TCP11L2: variants seen among roughly 807,000 people sequenced by gnomAD.
TCP11L2 encodes t-complex 11 like 2.
A neutral mutation model predicts 50.7 loss-of-function variants in TCP11L2; 39 were observed. The ratio of observed to expected loss-of-function variants is 0.77; its 90% CI spans 0.60 to 1.01. The LOEUF is 1.01. TCP11L2 is among the 50% of genes least tolerant of loss of function. The pLI is 0.00. For missense variants in TCP11L2, 612 were observed against 614.7 expected, an observed-to-expected ratio of 1.00 and a Z score of 0.05; for synonymous variants, 192 against 219.3, an observed-to-expected ratio of 0.88 and a Z score of 1.10.
chr12:106,346,567 G>T lies in TCP11L2; in HGVS notation c.*37G>T, dbSNP rs2036240848. On this transcript the variant is annotated 3_prime_UTR_variant, in exon 10 of 10. Coordinates refer to ENST00000299045, the MANE Select transcript of TCP11L2 (RefSeq NM_152772.3). ...CATTGGACGAGAGATTGGAAATCCA[G>T]TACTTTGGTATCCAGTCCACTTCCA... is the stretch of plus-strand genomic sequence containing the variant. The T allele has an allele frequency of 6.3e-7, 1 of 1,586,336 alleles. No homozygotes were observed. Among genetic ancestry groups the T allele is most frequent in the Non-Finnish European group, 8.6e-7 (1 of 1,168,640 alleles).
intron 2 of TCP11L2, 36 bp from the exon 3 acceptor site, chr12:106,314,322 T>A: frequency 6.3e-7 from 1 of 1,589,080 alleles, no homozygotes; most frequent in Non-Finnish European, 8.6e-7. Flanking sequence ...ACAACTTTTC[T>A]TCTGCAACAT....
At chr12:106,320,012 C>T (rs1242818142) in intron 4 of TCP11L2, among the ~76,000 whole-genome samples, 1 of 152,128 alleles carries the variant, frequency 6.6e-6, no homozygotes, top group Non-Finnish European at 1.5e-5. Flanking sequence ...TTCTTTCTTC[C>T]CTGAACTTTT....
rs756290954 is a variant in TCP11L2, at chr12:106,336,216, A to G, written c.1142+3A>G. The stretch of plus-strand genomic sequence containing the variant: ...CTACTTGAAGGCATGAACAAAGAGT[A>G]AGTTCCAAATTTTTGCATCTGCTCC... On this transcript the variant is annotated splice_donor_region_variant and intron_variant, in intron 8 of 9. Transcript: ENST00000299045. 1.2e-6 allele frequency: 2 copies of G among 1,601,632 alleles called. No homozygotes were observed. The highest frequency in any genetic ancestry group is 1.1e-5 in the South Asian group (1 of 88,782).
rs565254610 is a variant in TCP11L2 at position 106,312,018 on chromosome 12, A to G, written c.157+786A>G. On this transcript the variant is annotated intron_variant, in intron 2 of 9. Transcript: ENST00000299045. ...GAAGATACATAAGAATAGAGAAAAG[A>G]AAACATTGCCTATGATATCACTCAA... is the stretch of plus-strand genomic sequence containing the variant. Among the ~76,000 whole-genome samples the G allele has an allele frequency of 2.0e-5, 3 of 152,352 alleles. No homozygotes were observed. In the East Asian group the frequency reaches 5.8e-4, roughly 29 times the overall value.
intron 2 of TCP11L2, among the ~76,000 whole-genome samples, chr12:106,311,653 G>C (rs543888309): frequency 1.3e-5 from 2 of 152,240 alleles, no homozygotes; most frequent in African/African-American, 4.8e-5. Flanking sequence ...TAATCTAAAG[G>C]GTTTCATGTT....
intron 1 of TCP11L2, chr12:106,303,225 C>G (rs972505712): frequency 1.2e-4 from 18 of 152,290 alleles, no homozygotes; most frequent in African/African-American, 3.9e-4. Context: ...TCGGAGGCCG[C>G]TTCGCCGCTG....
At chr12:106,329,857 C>A in intron 6 of TCP11L2, 1 of 985,722 alleles carries the variant, frequency 1.0e-6, no homozygotes, top group South Asian at 4.7e-5. Context: ...TAAAACAGAA[C>A]TAGCAAACCA....
intron 9 of TCP11L2, among the ~76,000 whole-genome samples, chr12:106,342,355 G>C (rs1194339591): frequency 6.6e-6 from 1 of 152,120 alleles, no homozygotes; most frequent in Admixed American, 6.5e-5. Flanking sequence ...CTCCTAAGAG[G>C]GGACAGTTGA....
chr12:106,332,780 A>G (rs929996802), intron 6 of TCP11L2, among the ~76,000 whole-genome samples: 1 of 152,164 alleles, frequency 6.6e-6, no homozygotes, highest in African/African-American at 2.4e-5. Flanking sequence ...ATCAACCCTC[A>G]TGACCTCATC....
chr12:106,308,990 C>T (rs368569142), intron 1 of TCP11L2, among the ~76,000 whole-genome samples: 172 of 152,272 alleles, frequency 1.1e-3, no homozygotes, highest in South Asian at 8.9e-3. Flanking sequence ...AGGAACTAAG[C>T]GCTGTCATGG....
At chr12:106,316,127 G>T (rs2035069618) in intron 3 of TCP11L2, among the ~76,000 whole-genome samples, 1 of 152,054 alleles carries the variant, frequency 6.6e-6, no homozygotes, top group African/African-American at 2.4e-5. Flanking sequence ...ATTTTGCCAT[G>T]ACCCTTGATA....
intron 2 of TCP11L2, 102 bp from the exon 3 acceptor site, chr12:106,314,256 A>G (rs1592936616): frequency 8.1e-7 from 1 of 1,238,884 alleles, no homozygotes; most frequent in East Asian, 2.4e-5. Flanking sequence ...AAAACTCTGA[A>G]GTATATACAT....
chr12:106,335,699 T>C lies in TCP11L2; in HGVS notation c.833T>C (p.Leu278Pro). Residue 278 changes from leucine (L) to proline (P), a missense_variant, in exon 7 of 10, where the codon CTT (leucine) becomes CCT (proline). Leu to Pro is a moderately conservative substitution (Grantham distance 98). Transcript: ENST00000299045. Reference protein sequence around the residue: ...KESVNEELFSLSESALTPGAE... With the variant: ...KESVNEELFSPSESALTPGAE... The stretch of plus-strand genomic sequence containing the variant: ...TCTGTAAATGAAGAATTATTTTCTC[T>C]TTCTGAGAGTGCTTTAACTCCTGGG... 1 of 1,614,228 alleles carries C rather than the reference T, an allele frequency of 6.2e-7. No homozygotes were observed. The highest frequency in any genetic ancestry group is 8.5e-7 in the Non-Finnish European group (1 of 1,180,034).
intron 8 of TCP11L2, among the ~76,000 whole-genome samples, chr12:106,338,740 A>G (rs1197265818): frequency 6.6e-6 from 1 of 152,238 alleles, no homozygotes; most frequent in African/African-American, 2.4e-5. Flanking sequence ...AAATCTCCAA[A>G]CTGCTTTCCA....
At chr12:106,302,158 T>C (rs2034433378), upstream of TCP11L2, among the ~76,000 whole-genome samples, 1 of 152,130 alleles carries the variant, frequency 6.6e-6, no homozygotes, top group Non-Finnish European at 1.5e-5. Flanking sequence ...TTGCCCCGTC[T>C]AGACAGGGGT....
intron 6 of TCP11L2, chr12:106,329,315 T>C: frequency 6.5e-7 from 1 of 1,536,110 alleles, no homozygotes; most frequent in Non-Finnish European, 8.7e-7. Context: ...GAAAAATTCT[T>C]AATCCTGTCC....
At position 106,339,305 on chromosome 12, in the gene TCP11L2, C is replaced by T. The variant is rs192480351; in HGVS notation, c.1143-1521C>T. 5.3e-5 allele frequency among the ~76,000 whole-genome samples: 8 copies of T among 152,194 alleles called. No homozygotes were observed. In the East Asian group the frequency reaches 1.5e-3, roughly 29 times the overall value. On this transcript the variant is annotated intron_variant, in intron 8 of 9. Coordinates refer to ENST00000299045, the MANE Select transcript of TCP11L2 (RefSeq NM_152772.3). The stretch of plus-strand genomic sequence containing the variant: ...TCTTTTGAGAAGTATCTGTTCATGT[C>T]CTTTGCCCATTTTTTAATGAGGTCG...
intron 1 of TCP11L2, among the ~76,000 whole-genome samples, chr12:106,310,180 C>T (rs1004486210): frequency 6.6e-6 from 1 of 152,152 alleles, no homozygotes; most frequent in Non-Finnish European, 1.5e-5. Flanking sequence ...ATTCTCATGT[C>T]CCAGAAACAC....
rs199918617 is a variant in TCP11L2, at chr12:106,346,468, C to T, written c.1498C>T (p.Arg500Ter). ...VYGPFYANIL[R>*]KLLFNEEAMG... ...TGGACCATTTTATGCAAATATACTT[C>T]GAAAGCTGCTCTTCAATGAGGAAGC... Residue 500 changes from arginine to a stop codon, truncating the protein, a stop_gained, in exon 10 of 10, where the codon CGA becomes TGA. Coordinates refer to ENST00000299045, the MANE Select transcript of TCP11L2 (RefSeq NM_152772.3). LOFTEE classifies it high-confidence loss of function. 82 of 1,613,968 alleles carry T rather than the reference C, an allele frequency of 5.1e-5. No individual in the cohort carries two copies. The highest frequency in any genetic ancestry group is 3.5e-4 in the Admixed American group (21 of 59,992).
Sources: gnomAD v4.1 joint callset for allele counts (sites outside exome capture counted in the v4.1 genomes callset) on GRCh38, gnomAD v4.1.1 for gene constraint, MANE v1.5 for transcripts, NCBI Gene and HGNC (gene_info 2026-07-23, HGNC 2026-07-21) for gene names.